Variants in SPTLC1 observed in about 807,000 individuals in gnomAD.
The protein encoded by SPTLC1 is serine palmitoyltransferase 1.
A neutral mutation model predicts 68.9 loss-of-function variants in SPTLC1; 55 were observed. The ratio of observed to expected loss-of-function variants is 0.80; its 90% CI spans 0.64 to 1.00. The LOEUF (loss-of-function observed/expected upper bound fraction) is 1.00, where lower values mean the gene tolerates loss of function less well. Among genes scored for constraint, SPTLC1 ranks in the 50% least tolerant of loss-of-function variants. SPTLC1 has a pLI of 0.00. For missense variants in SPTLC1, 449 were observed against 573.1 expected, an observed-to-expected ratio of 0.78 and a Z score of 2.21; for synonymous variants, 197 against 201.6, an observed-to-expected ratio of 0.98 and a Z score of 0.19.
At chr9:92,059,127 G>C in intron 7 of SPTLC1, 52 bp downstream of exon 7, 1 of 1,593,674 alleles carries the variant, frequency 6.3e-7, no homozygotes. Flanking sequence ...ATATAATTTA[G>C]CTGGTTAGAA....
At chr9:92,086,408 T>C (rs942641297) in intron 3 of SPTLC1, among the ~76,000 whole-genome samples, 20 of 152,240 alleles carry the variant, frequency 1.3e-4, no homozygotes, top group Non-Finnish European at 2.8e-4. Context: ...GTTTAATGCT[T>C]CCTTCAGGAG....
chr9:92,091,829 T>C (rs1564110888), intron 3 of SPTLC1, among the ~76,000 whole-genome samples: 1 of 152,156 alleles, frequency 6.6e-6, no homozygotes. Context: ...TACAGTAAAA[T>C]TGAAAACAGA....
intron 8 of SPTLC1, among the ~76,000 whole-genome samples, chr9:92,054,299 C>CA (rs1171498524): frequency 2.6e-5 from 4 of 151,672 alleles, no homozygotes; most frequent in African/African-American, 7.3e-5. Context: ...AAACAAAACA[C>CA]AAAAAAACAA....
chr9:92,104,410 T>C (rs1835877076), intron 3 of SPTLC1: 1 of 1,385,258 alleles, frequency 7.2e-7, no homozygotes, highest in Non-Finnish European at 9.5e-7. Flanking sequence ...TCCAGTCAGG[T>C]GGGATGGCGC....
chr9:92,072,377 G>A (rs550135356), intron 5 of SPTLC1, among the ~76,000 whole-genome samples: 4 of 152,136 alleles, frequency 2.6e-5, no homozygotes, highest in South Asian at 2.1e-4. Context: ...AAAATCCAAC[G>A]TTGGTCACGG....
intron 12 of SPTLC1, among the ~76,000 whole-genome samples, chr9:92,045,735 G>T (rs568721036): frequency 5.7e-4 from 87 of 152,114 alleles, no homozygotes; most frequent in Non-Finnish European, 1.0e-3. Context: ...AAGATGTTGG[G>T]TTGTTATTTT....
intron 9 of SPTLC1, among the ~76,000 whole-genome samples, chr9:92,049,729 C>A (rs754988489): frequency 1.8e-4 from 27 of 152,256 alleles, no homozygotes; most frequent in Non-Finnish European, 3.5e-4. Flanking sequence ...GCAAACAGAG[C>A]ACAAACCATG....
At chr9:92,110,810 T>C (rs1222512324) in intron 2 of SPTLC1, 1 of 152,178 alleles carries the variant, frequency 6.6e-6, no homozygotes, top group Non-Finnish European at 1.5e-5. Flanking sequence ...GCTTTCCTAG[T>C]CTCAATCTCC....
intron 6 of SPTLC1, among the ~76,000 whole-genome samples, chr9:92,066,874 A>G (rs6479403): frequency 0.34 from 51,647 of 151,728 alleles, 12,366 homozygotes; most frequent in African/African-American, 0.67. Flanking sequence ...TAGCTACTTG[A>G]GAGGCTGAGG....
chr9:92,044,323 T>C (rs1833441853), intron 12 of SPTLC1, among the ~76,000 whole-genome samples: 1 of 152,036 alleles, frequency 6.6e-6, no homozygotes, highest in Non-Finnish European at 1.5e-5. Flanking sequence ...CATTCAAAGA[T>C]GTAAAAGGAA....
intron 3 of SPTLC1, among the ~76,000 whole-genome samples, chr9:92,089,695 T>C (rs1428124071): frequency 3.9e-5 from 6 of 152,022 alleles, no homozygotes; most frequent in Non-Finnish European, 5.9e-5. Context: ...TTTGAACAGA[T>C]AAAAGCTAAA....
At position 92,080,787 on chromosome 9, in the gene SPTLC1, C is replaced by T. The variant is rs146975287; in HGVS notation, c.354+83G>A. The T allele has an allele frequency of 2.6e-4, 296 of 1,136,714 alleles. 1 individual carries two copies. The Middle Eastern group carries it at 3.7e-3, about 14-fold the overall frequency. The allele number at this position is 1,136,714 out of a possible 1,614,324, so 70.4% of individuals were successfully genotyped here. A position where few individuals can be genotyped will look rare whatever the true frequency, so the allele number is the denominator to read the frequency against. On this transcript the variant is annotated intron_variant, in intron 4 of 14. Transcript: ENST00000262554. Reference sequence around the variant, plus strand: ...ACTCCTGACCTGAAGTGATCCACCACGCCCAGCCTGCCTTTGTCTTTTATG... The same window carrying T: ...ACTCCTGACCTGAAGTGATCCACCATGCCCAGCCTGCCTTTGTCTTTTATG...
In SPTLC1 at chr9:92,040,505, T is replaced by G. The variant is rs149240730; in HGVS notation, c.1137-2140A>C. ...AAGGCGCGATGGCTCACACCTATAATCCCAGCACTTTGGGATGCCAAGGTT... is the reference window on the plus strand; with the variant it reads ...AAGGCGCGATGGCTCACACCTATAAGCCCAGCACTTTGGGATGCCAAGGTT... On this transcript the variant is annotated intron_variant, in intron 12 of 14. Coordinates refer to ENST00000262554, the MANE Select transcript of SPTLC1 (RefSeq NM_006415.4). Among the ~76,000 whole-genome samples, 315 of 152,204 alleles carry G rather than the reference T, an allele frequency of 2.1e-3. 1 individual carries two copies. Among genetic ancestry groups the G allele is most frequent in the Non-Finnish European group, 2.7e-3 (185 of 68,022 alleles).
intron 3 of SPTLC1, among the ~76,000 whole-genome samples, chr9:92,095,200 C>T (rs187740059): frequency 2.6e-5 from 4 of 152,228 alleles, no homozygotes; most frequent in African/African-American, 9.6e-5. Flanking sequence ...TGAAGTGATG[C>T]TCAAAGGCTC....
chr9:92,077,752 T>C (rs566612755), intron 5 of SPTLC1, among the ~76,000 whole-genome samples: 3 of 152,332 alleles, frequency 2.0e-5, no homozygotes, highest in African/African-American at 4.8e-5. Flanking sequence ...CAGACCATTG[T>C]AGCTGATATC....
intron 5 of SPTLC1, chr9:92,079,636 T>C: frequency 7.3e-7 from 1 of 1,368,806 alleles, no homozygotes; most frequent in East Asian, 2.3e-5. Context: ...CTCCACTTTC[T>C]TCCTAGAGCT....
chr9:92,090,650 T>C (rs191951662), intron 3 of SPTLC1, among the ~76,000 whole-genome samples: 36 of 151,030 alleles, frequency 2.4e-4, no homozygotes, highest in East Asian at 1.4e-3. Flanking sequence ...GAATTACTTA[T>C]GTTAAGCATG....
intron 3 of SPTLC1, among the ~76,000 whole-genome samples, chr9:92,086,419 C>G (rs1835135668): frequency 6.6e-6 from 1 of 152,084 alleles, no homozygotes; most frequent in African/African-American, 2.4e-5. Flanking sequence ...CCTTCAGGAG[C>G]TCTTTTAGGG....
At chr9:92,050,207 T>A in intron 8 of SPTLC1, 140 bp from the exon 9 acceptor site, 1 of 652,342 alleles carries the variant, frequency 1.5e-6, no homozygotes, top group Non-Finnish European at 2.8e-6. Context: ...CATCTACTTA[T>A]TAAAACTTAT....
Sources: allele counts gnomAD v4.1 joint callset (sites outside exome capture counted in the v4.1 genomes callset), GRCh38; gene constraint gnomAD v4.1.1; transcripts MANE v1.5; gene names NCBI Gene and HGNC (gene_info 2026-07-23, HGNC 2026-07-21).